The following SGCD variants were observed in gnomAD, a reference collection of about 807,000 sequenced individuals.
SGCD encodes delta-sarcoglycan.
A neutral mutation model predicts 36.6 loss-of-function variants in SGCD; 18 were observed. The observed-to-expected ratio is 0.49, with a 90% CI of 0.34 to 0.73. The LOEUF (loss-of-function observed/expected upper bound fraction) is 0.73. Among genes scored for constraint, SGCD ranks in the 30% least tolerant of loss-of-function variants. The pLI, the probability that SGCD is intolerant of heterozygous loss-of-function variation, is 0.01. For missense variants in SGCD, 387 were observed against 346.7 expected (o/e 1.12, Z -0.92); for synonymous variants, 133 against 130.6 (o/e 1.02, Z -0.12).
chr5:156,119,195 G>A lies in SGCD; in HGVS notation c.-208+1244G>A, dbSNP rs559883941. ...GGCCAGTTTTCAGTTAGACTATTAG[G>A]AGACTGAGATATTCCTTTGGATTTT... is the stretch of plus-strand genomic sequence containing the variant. On this transcript the variant is annotated intron_variant, in intron 2 of 9. Coordinates refer to the SGCD transcript ENST00000517913. 3.9e-5 allele frequency among the ~76,000 whole-genome samples: 6 copies of A among 152,218 alleles called. No individual in the cohort carries two copies. The East Asian group carries it at 9.7e-4, about 25-fold the overall frequency.
chr5:156,736,448 A>G (rs1756369357), intron 7 of SGCD, among the ~76,000 whole-genome samples: 1 of 152,006 alleles, frequency 6.6e-6, no homozygotes, highest in Non-Finnish European at 1.5e-5. Context: ...GTACAACACC[A>G]AATTTGTATA....
At chr5:156,142,750 T>G (rs901968690) in intron 3 of SGCD, among the ~76,000 whole-genome samples, 1 of 152,180 alleles carries the variant, frequency 6.6e-6, no homozygotes, top group Non-Finnish European at 1.5e-5. Context: ...ACATTCAAGA[T>G]TTGGCCTGGT....
At chr5:155,818,574 G>T in the SGCD span, among the ~76,000 whole-genome samples, 1 of 152,176 alleles carries the variant, frequency 6.6e-6, no homozygotes, top group East Asian at 1.9e-4. Context: ...AGGCTGGAGT[G>T]CAGTGACAGG....
intron 1 of SGCD, among the ~76,000 whole-genome samples, chr5:156,076,564 C>G (rs1760790051): frequency 6.6e-6 from 1 of 152,170 alleles, no homozygotes; most frequent in Admixed American, 6.5e-5. Flanking sequence ...CCTCTGGACT[C>G]TCTTGAAATT....
intron 3 of SGCD, among the ~76,000 whole-genome samples, chr5:156,361,425 G>C (rs1769789955): frequency 6.6e-6 from 1 of 152,194 alleles, no homozygotes; most frequent in Non-Finnish European, 1.5e-5. Context: ...AATCTTCTCT[G>C]ACCCTTCCTT....
chr5:156,575,964 G>A (rs1459264831), intron 4 of SGCD, among the ~76,000 whole-genome samples: 4 of 152,044 alleles, frequency 2.6e-5, no homozygotes, highest in Admixed American at 1.3e-4. Flanking sequence ...TAGGGTACAC[G>A]TGCACAACAT....
chr5:156,019,732 A>AT (rs986594292), intron 1 of SGCD, among the ~76,000 whole-genome samples: 1 of 152,216 alleles, frequency 6.6e-6, no homozygotes, highest in African/African-American at 2.4e-5. Context: ...GCATGACATC[A>AT]TTCTTTGCTC....
chr5:156,118,769 A>T (rs1192942968), intron 2 of SGCD, among the ~76,000 whole-genome samples: 2 of 152,166 alleles, frequency 1.3e-5, no homozygotes, highest in Non-Finnish European at 2.9e-5. Flanking sequence ...AAGAGATTAG[A>T]TATCTAAAAG....
At chr5:156,425,661 C>G (rs1773639394) in intron 3 of SGCD, among the ~76,000 whole-genome samples, 1 of 151,700 alleles carries the variant, frequency 6.6e-6, no homozygotes, top group Non-Finnish European at 1.5e-5. Flanking sequence ...CACCCATCAC[C>G]CGAGCAGTGT....
intron 1 of SGCD, among the ~76,000 whole-genome samples, chr5:156,029,675 A>C (rs1282220832): frequency 6.6e-6 from 1 of 152,146 alleles, no homozygotes; most frequent in African/African-American, 2.4e-5. Flanking sequence ...GAGACCAAAC[A>C]ATGATCACTG....
chr5:156,245,433 A>G (rs1389866615), intron 3 of SGCD, among the ~76,000 whole-genome samples: 1 of 152,190 alleles, frequency 6.6e-6, no homozygotes, highest in Admixed American at 6.5e-5. Flanking sequence ...GAACCAGGCA[A>G]TAATAATAAA....
In SGCD at chr5:156,629,981, C is replaced by T. The variant is rs182291605; in HGVS notation, c.503-17483C>T. Among the ~76,000 whole-genome samples, 250 of 151,664 alleles carry T rather than the reference C, an allele frequency of 1.6e-3. 1 individual carries two copies. The highest frequency in any genetic ancestry group is 5.8e-3 in the African/African-American group (238 of 41,332). On this transcript the variant is annotated intron_variant, in intron 6 of 8. Coordinates refer to ENST00000337851, the MANE Select transcript of SGCD (RefSeq NM_000337.6). ...GGTTCAAGTGACTGTCCTGCCTCAG[C>T]CTCCTCAGTAGCTGGGATTACAGGC...
rs1241850589 is a variant in SGCD at position 156,757,595 on chromosome 5, C to T, written c.590C>T (p.Thr197Ile). Residue 197 changes from threonine to isoleucine, a missense_variant, in exon 8 of 9, where the codon ACC becomes ATC. Coordinates refer to ENST00000337851, the MANE Select transcript of SGCD (RefSeq NM_000337.6). The stretch of plus-strand genomic sequence containing the variant: ...GTGTTTTTCAGGTTGGAGTCCCCAA[C>T]CCGGTCTCTAGTGATGGAGGCCCCA... ...PFKELRLESPTRSLVMEAPKG... is the reference protein window; with the variant it reads ...PFKELRLESPIRSLVMEAPKG... The T allele has an allele frequency of 6.2e-7, 1 of 1,608,546 alleles. No individual in the cohort carries two copies. The highest frequency in any genetic ancestry group is 1.1e-5 in the South Asian group (1 of 89,724).
chr5:156,312,442 T>TGA (rs1396609478), intron 3 of SGCD, among the ~76,000 whole-genome samples: 1 of 152,222 alleles, frequency 6.6e-6, no homozygotes, highest in African/African-American at 2.4e-5. Context: ...ACTGTGTGTG[T>TGA]GAATACATTT....
At chr5:156,680,852 G>T (rs905508189) in intron 7 of SGCD, among the ~76,000 whole-genome samples, 4 of 152,200 alleles carry the variant, frequency 2.6e-5, no homozygotes, top group African/African-American at 9.7e-5. Context: ...TGCTGAGACA[G>T]GATAGTTTCC....
chr5:156,005,790 C>A (rs1038392444), intron 1 of SGCD, among the ~76,000 whole-genome samples: 2 of 152,112 alleles, frequency 1.3e-5, no homozygotes, highest in South Asian at 2.1e-4. Context: ...TTTAACCATG[C>A]GGGCAGCCTT....
At chr5:156,276,648 A>G (rs1489675482) in intron 3 of SGCD, among the ~76,000 whole-genome samples, 1 of 152,200 alleles carries the variant, frequency 6.6e-6, no homozygotes, top group Non-Finnish European at 1.5e-5. Context: ...TTCAACACAT[A>G]TTTATTATAC....
intron 1 of SGCD, among the ~76,000 whole-genome samples, chr5:155,877,138 A>G (rs1237796840): frequency 6.6e-6 from 1 of 152,132 alleles, no homozygotes; most frequent in Non-Finnish European, 1.5e-5. Context: ...AAAAATGCAA[A>G]TGCTACAAGA....
At chr5:156,314,065 G>C (rs981865209) in intron 3 of SGCD, among the ~76,000 whole-genome samples, 1 of 151,888 alleles carries the variant, frequency 6.6e-6, no homozygotes, top group Non-Finnish European at 1.5e-5. Flanking sequence ...GATGGTTCAT[G>C]ATCCCTATAG....
Sources: allele counts gnomAD v4.1 joint callset (sites outside exome capture counted in the v4.1 genomes callset), GRCh38; gene constraint gnomAD v4.1.1; transcripts MANE v1.5; gene names NCBI Gene and HGNC (gene_info 2026-07-23, HGNC 2026-07-21).